The following SGCD variants were observed in gnomAD, a reference collection of about 807,000 sequenced individuals.
SGCD encodes the protein sarcoglycan delta, also known as delta-sarcoglycan.
Under a neutral mutation model 36.6 loss-of-function variants are expected in SGCD, and 18 were observed. The ratio of observed to expected loss-of-function variants is 0.49; its 90% CI spans 0.34 to 0.73. The LOEUF is 0.73. Among genes scored for constraint, SGCD ranks in the 30% least tolerant of loss-of-function variants. The pLI is 0.01. For synonymous variants in SGCD, 133 were observed against 130.6 expected (o/e 1.02, Z -0.12); for missense variants, 387 against 346.7 (o/e 1.12, Z -0.92).
intron 3 of SGCD, among the ~76,000 whole-genome samples, chr5:156,390,502 G>A (rs913621187): frequency 7.9e-5 from 12 of 152,164 alleles, no homozygotes; most frequent in East Asian, 1.9e-4. Context: ...CCATGGCGGC[G>A]GGTGGATCAC....
Position 156,671,366 on chromosome 5 carries a change from G to T in SGCD, c.575+23830G>T, listed in dbSNP as rs1033488267. 5.3e-5 allele frequency among the ~76,000 whole-genome samples: 8 copies of T among 150,392 alleles called. No individual in the cohort carries two copies. The East Asian group carries it at 1.6e-3, about 30-fold the overall frequency. On this transcript the variant is annotated intron_variant, in intron 7 of 8. Transcript: ENST00000337851. ...TGGCTCACTGCAACCTCTGCCTCCT[G>T]GGTTCAAGTGATTCTCCCGCCTCAG... is the stretch of plus-strand genomic sequence containing the variant.
Position 156,316,139 on chromosome 5 carries a change from G to A in SGCD, c.-43-13395G>A, listed in dbSNP as rs370160879. On this transcript the variant is annotated intron_variant, in intron 3 of 9. Coordinates refer to the SGCD transcript ENST00000517913. ...ATTTCATAAAGTTATAGGATGCAAAGTCAACATACAAAAATCAGATGAGTT... is the reference window on the plus strand; with the variant it reads ...ATTTCATAAAGTTATAGGATGCAAAATCAACATACAAAAATCAGATGAGTT... Among the ~76,000 whole-genome samples, 243 of 151,948 alleles carry A rather than the reference G, an allele frequency of 1.6e-3. 1 individual carries two copies. The highest frequency in any genetic ancestry group is 5.7e-3 in the African/African-American group (235 of 41,520).
rs76854493 is a variant in SGCD, at chr5:156,008,029, C to G, written c.-281-109849C>G. 7.9e-4 allele frequency among the ~76,000 whole-genome samples: 120 copies of G among 152,112 alleles called. 1 individual carries two copies. The East Asian group carries it at 0.023, about 29-fold the overall frequency. On this transcript the variant is annotated intron_variant, in intron 1 of 9. Transcript: ENST00000517913. ...GTTATTCCAAGATTCTTTTTTTTCT[C>G]CATAGTGATGATAAATATTCACGTT...
chr5:156,060,438 C>G (rs1443421393), intron 1 of SGCD, among the ~76,000 whole-genome samples: 3 of 146,368 alleles, frequency 2.0e-5, no homozygotes, highest in African/African-American at 7.4e-5. Context: ...TATCTTCTAG[C>G]CCAAAACAAG....
chr5:156,517,915 A>G (rs949333793), intron 4 of SGCD, among the ~76,000 whole-genome samples: 1 of 152,228 alleles, frequency 6.6e-6, no homozygotes, highest in African/African-American at 2.4e-5. Context: ...CAATGGCATT[A>G]TGAAGCAACT....
chr5:156,154,703 T>C, intron 3 of SGCD, among the ~76,000 whole-genome samples: 1 of 151,684 alleles, frequency 6.6e-6, no homozygotes, highest in East Asian at 1.9e-4. Context: ...ACAGGTAAAG[T>C]AGTTGGACTG....
chr5:156,468,596 G>A (rs1754816123), intron 3 of SGCD, among the ~76,000 whole-genome samples: 1 of 152,132 alleles, frequency 6.6e-6, no homozygotes, highest in Non-Finnish European at 1.5e-5. Flanking sequence ...GAATTGTTAG[G>A]TGTTTTATAC....
the SGCD span, among the ~76,000 whole-genome samples, chr5:155,765,991 GT>G: frequency 6.6e-6 from 1 of 152,076 alleles, no homozygotes; most frequent in African/African-American, 2.4e-5. Flanking sequence ...TACAGAACTT[GT>G]ATCTGCTGGC....
the SGCD span, among the ~76,000 whole-genome samples, chr5:155,847,953 A>G: frequency 6.6e-6 from 1 of 152,240 alleles, no homozygotes; most frequent in Admixed American, 6.5e-5. Context: ...TAACCAAAAC[A>G]TCCACGTTTG....
chr5:156,681,711 G>T (rs867934439), intron 7 of SGCD, among the ~76,000 whole-genome samples: 22 of 152,176 alleles, frequency 1.4e-4, no homozygotes, highest in African/African-American at 4.6e-4. Flanking sequence ...ATGCCAATAA[G>T]TTTGGATTTC....
intron 3 of SGCD, among the ~76,000 whole-genome samples, chr5:156,286,615 A>C (rs1255929311): frequency 1.3e-5 from 2 of 152,132 alleles, no homozygotes; most frequent in African/African-American, 4.8e-5. Flanking sequence ...ATAGGTGGGA[A>C]TTGAACAATG....
intron 1 of SGCD, among the ~76,000 whole-genome samples, chr5:156,088,783 A>C (rs1761165525): frequency 1.3e-5 from 2 of 152,040 alleles, no homozygotes; most frequent in African/African-American, 4.8e-5. Context: ...ATAGGGCTTT[A>C]CTTATTTGTG....
chr5:155,934,909 GAGTA>G (rs1008220602), intron 1 of SGCD, among the ~76,000 whole-genome samples: 1 of 152,162 alleles, frequency 6.6e-6, no homozygotes, highest in African/African-American at 2.4e-5. Flanking sequence ...CCAGTGCCTG[GAGTA>G]AGTAAGTTCC....
At position 156,015,257 on chromosome 5, in the gene SGCD, G is replaced by C. The variant is rs559932340; in HGVS notation, c.-281-102621G>C. Reference sequence around the variant, plus strand: ...CCATTTATATTCAGTATGGATCCATGGATTCTTTTTTATTCAATAGGTTAA... The same window carrying C: ...CCATTTATATTCAGTATGGATCCATCGATTCTTTTTTATTCAATAGGTTAA... On this transcript the variant is annotated intron_variant, in intron 1 of 9. Coordinates refer to the SGCD transcript ENST00000517913. Among the ~76,000 whole-genome samples, 75 of 152,074 alleles carry C rather than the reference G, an allele frequency of 4.9e-4. 1 individual carries two copies. The South Asian group carries it at 6.0e-3, about 12-fold the overall frequency.
chr5:155,839,938 C>CTTT, the SGCD span, among the ~76,000 whole-genome samples: 50 of 148,250 alleles, frequency 3.4e-4, no homozygotes, highest in Admixed American at 2.5e-3. Flanking sequence ...TTTGAAAACA[C>CTTT]TTTTTTTTTT....
intron 1 of SGCD, among the ~76,000 whole-genome samples, chr5:155,969,099 A>G (rs1287826950): frequency 6.6e-6 from 1 of 152,084 alleles, no homozygotes; most frequent in African/African-American, 2.4e-5. Flanking sequence ...TTACTCTTAC[A>G]AAAAAAGGTA....
At chr5:155,788,785 A>T in the SGCD span, among the ~76,000 whole-genome samples, 5 of 152,214 alleles carry the variant, frequency 3.3e-5, no homozygotes, top group Non-Finnish European at 7.3e-5. Flanking sequence ...ATAGGTGAAC[A>T]GTTTACCCAT....
At chr5:156,068,185 A>G (rs1760394737) in intron 1 of SGCD, among the ~76,000 whole-genome samples, 2 of 151,090 alleles carry the variant, frequency 1.3e-5, no homozygotes, top group South Asian at 2.1e-4. Context: ...GGTTAGTTAC[A>G]TATGTATACA....
At chr5:155,959,251 T>G (rs1482655431) in intron 1 of SGCD, among the ~76,000 whole-genome samples, 1 of 152,168 alleles carries the variant, frequency 6.6e-6, no homozygotes, top group Non-Finnish European at 1.5e-5. Flanking sequence ...TCTTCATTCA[T>G]TCCTTTATCT....
Sources: gnomAD v4.1 joint callset for allele counts (sites outside exome capture counted in the v4.1 genomes callset) on GRCh38, gnomAD v4.1.1 for gene constraint, MANE v1.5 for transcripts, NCBI Gene and HGNC (gene_info 2026-07-23, HGNC 2026-07-21) for gene names.